Variants in FRMPD3 observed in about 807,000 individuals in gnomAD.
FRMPD3 encodes FERM and PDZ domain containing 3, also known as FERM and PDZ domain-containing protein 3.
Under a neutral mutation model 97.9 loss-of-function variants are expected in FRMPD3, and 42 were observed. The observed-to-expected ratio is 0.43, with a 90% CI of 0.34 to 0.55. The LOEUF is 0.55. Ranked by LOEUF, FRMPD3 falls within the 20% of genes least tolerant of loss-of-function variation. The probability of loss-of-function intolerance (pLI) is 0.03; values close to 1 mark genes in which losing one functional copy is unlikely to be tolerated. For missense variants in FRMPD3, 1,303 were observed against 1,457.7 expected (o/e 0.89, Z 1.73); for synonymous variants, 577 against 581.1 (o/e 0.99, Z 0.10).
In FRMPD3 at chrX:107,601,239, G is replaced by A. The variant is rs750839675; in HGVS notation, c.3200G>A (p.Arg1067Gln). Residue 1067 changes from arginine (R) to glutamine (Q), a missense_variant, in exon 15 of 15, where the codon CGA becomes CAA. This residue lies in a region of FRMPD3 where 764 missense variants were observed against 820.2 expected (regional missense o/e 0.93). Coordinates refer to ENST00000683843, the MANE Select transcript of FRMPD3 (RefSeq NM_001388459.1). ...QNFPPKSYLL[R>Q]TSRESVGKQA... Reference sequence around the variant, plus strand: ...TTCCCTCCCAAAAGCTATCTTTTGCGAACAAGCCGAGAGTCAGTGGGCAAG... The same window carrying A: ...TTCCCTCCCAAAAGCTATCTTTTGCAAACAAGCCGAGAGTCAGTGGGCAAG... The A allele has an allele frequency of 6.6e-6, 8 of 1,207,353 alleles. No individual in the cohort carries two copies. The highest frequency in any genetic ancestry group is 3.0e-5 in the East Asian group (1 of 33,694).
intron 3 of FRMPD3, among the ~76,000 whole-genome samples, chrX:107,531,186 C>CA (rs1922943531): frequency 9.0e-6 from 1 of 110,692 alleles, no homozygotes; most frequent in African/African-American, 3.3e-5. Context: ...ACCACATACA[C>CA]ACACCCTGGC....
At chrX:107,587,560 T>A (rs1394937213) in intron 13 of FRMPD3, among the ~76,000 whole-genome samples, 1 of 111,804 alleles carries the variant, frequency 8.9e-6, no homozygotes, top group African/African-American at 3.3e-5. Flanking sequence ...GTCTTTATAT[T>A]TTGGTGTGTT....
chrX:107,549,135 T>C lies in FRMPD3; in HGVS notation c.403-914T>C, dbSNP rs184468904. ...TTAAGAATGTCTCAATCAGAGTCAG[T>C]ACCTCCCATTGCTAGAGAGCTTTTG... On this transcript the variant is annotated intron_variant, in intron 5 of 14. Transcript: ENST00000683843. Among the ~76,000 whole-genome samples the C allele has an allele frequency of 4.5e-3, 491 of 110,321 alleles. 2 individuals carry two copies. Among genetic ancestry groups the C allele is most frequent in the African/African-American group, 0.016 (470 of 30,316 alleles).
chrX:107,557,690 TG>T (rs1569422215), intron 8 of FRMPD3, among the ~76,000 whole-genome samples: 19 of 97,833 alleles, frequency 1.9e-4, no homozygotes, highest in African/African-American at 6.3e-4. Context: ...TGTGTGTGTG[TG>T]TGTTTTTTTT....
rs1011769351 is a variant in FRMPD3 at position 107,450,649 on chromosome X, G to T, written c.-8+644G>T. Among the ~76,000 whole-genome samples, 7 of 107,094 alleles carry T rather than the reference G, an allele frequency of 6.5e-5. No individual in the cohort carries two copies. In the Admixed American group the frequency reaches 6.9e-4, roughly 11 times the overall value. 93.0% of individuals were successfully genotyped at this position (107,094 alleles called of 115,157 possible). On this transcript the variant is annotated intron_variant, in intron 1 of 14. Transcript: ENST00000683843. ...AGCTACACTTGCCCCCTCCCACCAA[G>T]ATGCTAATAAAGCTCAAACACATAT...
chrX:107,558,750 C>G (rs1036253706), intron 8 of FRMPD3, among the ~76,000 whole-genome samples: 3 of 111,758 alleles, frequency 2.7e-5, no homozygotes, highest in African/African-American at 9.8e-5. Flanking sequence ...GTGCCATGAT[C>G]TCGGCTCACT....
intron 3 of FRMPD3, 141 bp downstream of exon 3, chrX:107,530,652 C>A: frequency 2.2e-6 from 1 of 455,416 alleles, no homozygotes; most frequent in Non-Finnish European, 3.8e-6. Flanking sequence ...TCCTGGCTAA[C>A]CCAGAACTTC....
intron 1 of FRMPD3, among the ~76,000 whole-genome samples, chrX:107,519,635 A>G (rs1339786367): frequency 8.9e-6 from 1 of 111,902 alleles, no homozygotes; most frequent in African/African-American, 3.3e-5. Context: ...TGTGGGACCA[A>G]CTTAGGAAAT....
rs771294871 is a variant in FRMPD3, at chrX:107,601,662, A to C, written c.3623A>C (p.Lys1208Thr). 1 of 1,210,841 alleles carries C rather than the reference A, an allele frequency of 8.3e-7. No homozygotes were observed. Among genetic ancestry groups the C allele is most frequent in the South Asian group, 1.8e-5 (1 of 56,983 alleles). Residue 1208 changes from lysine to threonine, a missense_variant, in exon 15 of 15, where the codon AAG (lysine) becomes ACG (threonine). Coordinates refer to ENST00000683843, the MANE Select transcript of FRMPD3 (RefSeq NM_001388459.1). Reference protein sequence around the residue: ...HSTSEGPAKPKSSRGPFRLRN... With the variant: ...HSTSEGPAKPTSSRGPFRLRN... ...ACCTCTGAAGGCCCTGCCAAACCCA[A>C]GTCATCCCGAGGTCCTTTCCGGCTA...
intron 13 of FRMPD3, among the ~76,000 whole-genome samples, chrX:107,584,686 T>C (rs1285573782): frequency 8.9e-6 from 1 of 112,178 alleles, no homozygotes; most frequent in Non-Finnish European, 1.9e-5. Flanking sequence ...CCCAGCACCA[T>C]GTATTGAATA....
intron 1 of FRMPD3, among the ~76,000 whole-genome samples, chrX:107,525,301 C>T (rs770057934): frequency 8.9e-6 from 1 of 111,815 alleles, no homozygotes; most frequent in African/African-American, 3.2e-5. Flanking sequence ...TGCCCTTCTC[C>T]TTGACCATCC....
At chrX:107,484,121 C>T (rs1921444273) in intron 1 of FRMPD3, among the ~76,000 whole-genome samples, 1 of 112,058 alleles carries the variant, frequency 8.9e-6, no homozygotes, top group Non-Finnish European at 1.9e-5. Flanking sequence ...GTAGCTCCTT[C>T]TGGCTACGCT....
intron 1 of FRMPD3, among the ~76,000 whole-genome samples, chrX:107,457,261 A>G (rs1438988273): frequency 9.0e-6 from 1 of 111,417 alleles, no homozygotes; most frequent in Admixed American, 9.5e-5. Flanking sequence ...TCCCAGAAAA[A>G]AATTTGATTC....
intron 4 of FRMPD3, 135 bp from the exon 5 acceptor site, chrX:107,545,602 A>T: frequency 4.4e-6 from 2 of 452,672 alleles, no homozygotes; most frequent in East Asian, 7.7e-5. Context: ...ACTAATAGGT[A>T]ATTAATATTT....
chrX:107,575,673 A>G (rs1479508968), intron 12 of FRMPD3, among the ~76,000 whole-genome samples: 1 of 111,709 alleles, frequency 9.0e-6, no homozygotes, highest in East Asian at 2.8e-4. Context: ...CTGGTCTCGA[A>G]CCCCTGACCT....
rs774389439 is a variant in FRMPD3 at position 107,560,248 on chromosome X, C to T, written c.763-9C>T. On this transcript the variant is annotated splice_polypyrimidine_tract_variant and intron_variant, in intron 8 of 14. Transcript: ENST00000683843. ...TCAGCTGATAGGTTTGGACTGCCCT[C>T]TCTCACAGAGTCGGAATGATGTTAT... is the stretch of plus-strand genomic sequence containing the variant. The T allele has an allele frequency of 5.8e-6, 7 of 1,207,785 alleles. No individual in the cohort carries two copies. The highest frequency in any genetic ancestry group is 7.8e-6 in the Non-Finnish European group (7 of 894,509).
chrX:107,491,258 C>A (rs948834017), intron 1 of FRMPD3, among the ~76,000 whole-genome samples: 1 of 112,221 alleles, frequency 8.9e-6, no homozygotes, highest in Non-Finnish European at 1.9e-5. Context: ...GAAGCACTTT[C>A]TTTGTGCTAA....
At chrX:107,493,924 T>C (rs749981101) in intron 1 of FRMPD3, among the ~76,000 whole-genome samples, 4 of 111,818 alleles carry the variant, frequency 3.6e-5, no homozygotes, top group African/African-American at 1.3e-4. Flanking sequence ...GACCAAGCTC[T>C]GCCATGCACA....
intron 1 of FRMPD3, among the ~76,000 whole-genome samples, chrX:107,483,156 A>T (rs1008667611): frequency 1.8e-5 from 2 of 112,024 alleles, no homozygotes; most frequent in Non-Finnish European, 3.8e-5. Context: ...GCAGGCTGTG[A>T]ACTGCATAAA....
Sources: allele counts gnomAD v4.1 joint callset (sites outside exome capture counted in the v4.1 genomes callset), GRCh38; gene constraint gnomAD v4.1.1; regional missense constraint gnomAD v4.1.1; transcripts MANE v1.5; gene names NCBI Gene and HGNC (gene_info 2026-07-23, HGNC 2026-07-21).